The following FSHR variants were observed in gnomAD, a reference collection of about 807,000 sequenced individuals.
FSHR encodes the protein follicle-stimulating hormone receptor.
A neutral mutation model predicts 52.1 loss-of-function variants in FSHR; 46 were observed. The observed-to-expected ratio is 0.88, with a 90% CI of 0.70 to 1.13. The LOEUF is 1.13. Ranked by LOEUF, FSHR falls within the 50% of genes most tolerant of loss-of-function variation. The pLI, the probability that FSHR is intolerant of heterozygous loss-of-function variation, is 0.00. For synonymous variants in FSHR, 399 were observed against 309.6 expected (o/e 1.29, Z -3.03); for missense variants, 964 against 834.6 (o/e 1.16, Z -1.91).
At chr2:49,062,179 C>A (rs1008509078) in intron 2 of FSHR, among the ~76,000 whole-genome samples, 9 of 152,024 alleles carry the variant, frequency 5.9e-5, no homozygotes, top group Admixed American at 5.9e-4. Context: ...AAATATACTA[C>A]AAAGCTATAG....
chr2:48,963,990 G>A, intron 9 of FSHR, 24 bp from the exon 10 acceptor site: 1 of 1,604,548 alleles, frequency 6.2e-7, no homozygotes, highest in Admixed American at 1.7e-5. Context: ...AAAAGAAATA[G>A]AATCAACATC....
At chr2:49,021,857 CTCTCTCTATATA>C (rs1370136277) in intron 2 of FSHR, among the ~76,000 whole-genome samples, 1 of 37,698 alleles carries the variant, frequency 2.7e-5, no homozygotes, top group Non-Finnish European at 4.8e-5. Flanking sequence ...CTCTCTCTCT[CTCTCTCTATATA>C]TATATATATA....
chr2:49,060,814 TC>T (rs1475487666), intron 2 of FSHR, among the ~76,000 whole-genome samples: 2 of 151,788 alleles, frequency 1.3e-5, no homozygotes, highest in African/African-American at 2.4e-5. Context: ...ATGTACCCAC[TC>T]CCCCCCGGCC....
chr2:48,982,850 G>C (rs772257391), intron 8 of FSHR, 62 bp downstream of exon 8: 23 of 1,375,656 alleles, frequency 1.7e-5, no homozygotes, highest in Non-Finnish European at 2.3e-5. Flanking sequence ...TAGCTGCAGA[G>C]AGTTGACTTC....
intron 2 of FSHR, among the ~76,000 whole-genome samples, chr2:49,064,825 A>C (rs1445874213): frequency 6.6e-6 from 1 of 152,188 alleles, no homozygotes; most frequent in African/African-American, 2.4e-5. Flanking sequence ...AATATTATGA[A>C]TACAGGGTTA....
intron 1 of FSHR, among the ~76,000 whole-genome samples, chr2:49,145,175 G>A (rs940846471): frequency 4.6e-5 from 7 of 152,098 alleles, no homozygotes; most frequent in South Asian, 4.1e-4. Context: ...AGAAAACAAT[G>A]CAGCCTACGT....
At chr2:49,124,582 C>G (rs981062682) in intron 1 of FSHR, among the ~76,000 whole-genome samples, 2 of 151,902 alleles carry the variant, frequency 1.3e-5, no homozygotes, top group African/African-American at 4.8e-5. Context: ...GTTTATAACC[C>G]TATAACAATT....
intron 2 of FSHR, among the ~76,000 whole-genome samples, chr2:49,022,634 G>A (rs1667775089): frequency 1.3e-5 from 2 of 152,074 alleles, no homozygotes; most frequent in South Asian, 4.1e-4. Context: ...ACCTGTATGA[G>A]GAACCAACTG....
intron 1 of FSHR, among the ~76,000 whole-genome samples, chr2:49,130,058 T>C (rs763725076): frequency 6.6e-6 from 1 of 152,224 alleles, no homozygotes; most frequent in Admixed American, 6.5e-5. Context: ...TAAATGGATA[T>C]GATAAATGTC....
At chr2:48,984,161 C>T (rs537109882) in intron 6 of FSHR, among the ~76,000 whole-genome samples, 1 of 152,260 alleles carries the variant, frequency 6.6e-6, no homozygotes, top group Admixed American at 6.5e-5. Flanking sequence ...AGCCAGAAAA[C>T]ACTTAAAATC....
Position 48,963,444 on chromosome 2 carries a change from A to G in FSHR, c.1377T>C (p.Thr459=), listed in dbSNP as rs1316718180. 4 of 1,614,034 alleles carry G rather than the reference A, an allele frequency of 2.5e-6. No individual in the cohort carries two copies. Among genetic ancestry groups the G allele is most frequent in the African/African-American group, 1.3e-5 (1 of 74,936 alleles). The change falls in exon 10 of 10, where the codon ACT becomes ACC. Residue 459 remains threonine, a synonymous_variant. Coordinates refer to ENST00000406846, the MANE Select transcript of FSHR (RefSeq NM_000145.4). ...ATCTTTCCAAGGTGATAGCTGTCAG[A>G]GTGTAGACTGACAGCTCACTGGCAA... The part of the protein sequence containing the change: ...TVFASELSVY[T]LTAITLERWH...
At chr2:49,103,292 T>A (rs1405332419) in intron 1 of FSHR, among the ~76,000 whole-genome samples, 5 of 152,230 alleles carry the variant, frequency 3.3e-5, no homozygotes, top group Non-Finnish European at 7.4e-5. Context: ...ATTTGAAAGA[T>A]CCTCTCTTCT....
At chr2:49,123,169 C>A (rs1671877736) in intron 1 of FSHR, among the ~76,000 whole-genome samples, 1 of 152,166 alleles carries the variant, frequency 6.6e-6, no homozygotes, top group Non-Finnish European at 1.5e-5. Flanking sequence ...TAAAAGGAAT[C>A]ATGATTTCAT....
At chr2:49,075,775 G>A (rs1355392115) in intron 1 of FSHR, among the ~76,000 whole-genome samples, 2 of 151,920 alleles carry the variant, frequency 1.3e-5, no homozygotes, top group Non-Finnish European at 2.9e-5. Context: ...CTGCAGGCAT[G>A]CACCACCACA....
At chr2:49,082,372 T>C (rs1255976941) in intron 1 of FSHR, among the ~76,000 whole-genome samples, 1 of 151,644 alleles carries the variant, frequency 6.6e-6, no homozygotes, top group African/African-American at 2.4e-5. Context: ...AGACCAAAAG[T>C]AGATAAAACC....
chr2:49,004,427 A>C (rs1667009841), intron 4 of FSHR, among the ~76,000 whole-genome samples: 2 of 152,202 alleles, frequency 1.3e-5, no homozygotes, highest in Non-Finnish European at 1.5e-5. Flanking sequence ...AAATGTTCTT[A>C]TCTTGCAGAA....
At chr2:48,982,689 C>T (rs530098262) in intron 8 of FSHR, among the ~76,000 whole-genome samples, 1 of 152,328 alleles carries the variant, frequency 6.6e-6, no homozygotes, top group South Asian at 2.1e-4. Flanking sequence ...ATCTGACACT[C>T]TGTACGTGCT....
intron 1 of FSHR, among the ~76,000 whole-genome samples, chr2:49,094,395 C>T (rs183424395): frequency 9.2e-5 from 14 of 152,236 alleles, no homozygotes; most frequent in Non-Finnish European, 1.5e-4. Flanking sequence ...ACTGTCTTTA[C>T]GCAGATATTG....
intron 2 of FSHR, among the ~76,000 whole-genome samples, chr2:49,067,340 A>T (rs1050657016): frequency 6.6e-6 from 1 of 152,096 alleles, no homozygotes; most frequent in East Asian, 1.9e-4. Context: ...AGGAAGTACT[A>T]TTCTTAAAGG....
Sources: allele counts gnomAD v4.1 joint callset (sites outside exome capture counted in the v4.1 genomes callset), GRCh38; gene constraint gnomAD v4.1.1; transcripts MANE v1.5; gene names NCBI Gene and HGNC (gene_info 2026-07-23, HGNC 2026-07-21).